GATAD2B: variants seen among roughly 807,000 people sequenced by gnomAD.
GATAD2B encodes transcriptional repressor p66-beta.
Under a neutral mutation model 64.3 loss-of-function variants are expected in GATAD2B, and 8 were observed. The ratio of observed to expected loss-of-function variants is 0.12; its 90% CI spans 0.07 to 0.22. The LOEUF (loss-of-function observed/expected upper bound fraction) is 0.22. Among genes scored for constraint, GATAD2B ranks in the 10% least tolerant of loss-of-function variants. The pLI is 1.00. For missense variants in GATAD2B, 453 were observed against 752.0 expected (o/e 0.60, Z 4.65); for synonymous variants, 281 against 271.3 (o/e 1.04, Z -0.35).
intron 1 of GATAD2B, among the ~76,000 whole-genome samples, chr1:153,864,998 A>T (rs1457603332): frequency 6.6e-6 from 1 of 152,180 alleles, no homozygotes; most frequent in Non-Finnish European, 1.5e-5. Context: ...TGAACCTGGG[A>T]GGCGGAGGTT....
chr1:153,856,350 T>C (rs1043437604), intron 1 of GATAD2B, among the ~76,000 whole-genome samples: 1 of 152,126 alleles, frequency 6.6e-6, no homozygotes, highest in African/African-American at 2.4e-5. Flanking sequence ...ATCTTAAGTA[T>C]TTAGAGGTGA....
intron 1 of GATAD2B, among the ~76,000 whole-genome samples, chr1:153,830,515 G>A (rs1421870640): frequency 4.0e-5 from 5 of 124,872 alleles, no homozygotes; most frequent in Admixed American, 9.2e-5. Context: ...TCGCTCTGTC[G>A]CCCAGGCTGG....
Position 153,874,345 on chromosome 1 carries a change from T to C in GATAD2B, c.-1-45997A>G, listed in dbSNP as rs552147308. ...AGTCTCAGGTTATAGCAACAGAAAA[T>C]GGACTAAGACAACACACTACTATGA... On this transcript the variant is annotated intron_variant, in intron 1 of 10. Transcript: ENST00000368655. 7.9e-5 allele frequency among the ~76,000 whole-genome samples: 12 copies of C among 152,134 alleles called. No homozygotes were observed. The South Asian group carries it at 2.3e-3, about 29-fold the overall frequency.
intron 1 of GATAD2B, among the ~76,000 whole-genome samples, chr1:153,900,082 A>C (rs1168559130): frequency 2.0e-5 from 3 of 152,162 alleles, no homozygotes; most frequent in Non-Finnish European, 4.4e-5. Flanking sequence ...TCACTAAAAC[A>C]ATGAGCTGCA....
intron 1 of GATAD2B, among the ~76,000 whole-genome samples, chr1:153,846,481 T>G (rs4323749): frequency 0.84 from 126,669 of 151,606 alleles, 53,349 homozygotes; most frequent in Admixed American, 0.89. Flanking sequence ...CAAGTGATCC[T>G]CCCATCTCAG....
chr1:153,834,002 T>TTA, intron 1 of GATAD2B, among the ~76,000 whole-genome samples: 1 of 149,876 alleles, frequency 6.7e-6, no homozygotes, highest in Non-Finnish European at 1.5e-5. Context: ...TTTTTTTTGG[T>TTA]TGTTTTTTGT....
At chr1:153,915,619 C>G (rs1033157267) in intron 1 of GATAD2B, among the ~76,000 whole-genome samples, 2 of 151,728 alleles carry the variant, frequency 1.3e-5, no homozygotes, top group Non-Finnish European at 1.5e-5. Context: ...CCTATAGACC[C>G]AGCTACTGAG....
intron 1 of GATAD2B, among the ~76,000 whole-genome samples, chr1:153,888,238 T>A (rs1677244204): frequency 6.6e-6 from 1 of 152,112 alleles, no homozygotes; most frequent in South Asian, 2.1e-4. Context: ...TACATTTTCC[T>A]AAGGCAACTG....
intron 1 of GATAD2B, among the ~76,000 whole-genome samples, chr1:153,860,319 G>A (rs1381172443): frequency 6.6e-6 from 1 of 152,112 alleles, no homozygotes. Flanking sequence ...TGAATGGTAT[G>A]TAGTTAAACT....
At chr1:153,815,101 A>AAAAAAAAAAC (rs1674414952) in intron 7 of GATAD2B, among the ~76,000 whole-genome samples, 1 of 144,124 alleles carries the variant, frequency 6.9e-6, no homozygotes, top group Non-Finnish European at 1.5e-5. Context: ...AAAAAAAAAA[A>AAAAAAAAAAC]AAAAAAAAAA....
At chr1:153,914,879 A>G in intron 1 of GATAD2B, 1 of 152,360 alleles carries the variant, frequency 6.6e-6, no homozygotes, top group Non-Finnish European at 1.5e-5. Flanking sequence ...CTAAACTATG[A>G]CTGTGCCATT....
intron 1 of GATAD2B, among the ~76,000 whole-genome samples, chr1:153,873,604 T>C (rs1676736440): frequency 6.6e-6 from 1 of 152,202 alleles, no homozygotes; most frequent in African/African-American, 2.4e-5. Context: ...TCAGCAGATA[T>C]GGCCCCTTGA....
intron 1 of GATAD2B, among the ~76,000 whole-genome samples, chr1:153,910,449 T>C (rs1380075315): frequency 6.6e-6 from 1 of 152,164 alleles, no homozygotes; most frequent in Non-Finnish European, 1.5e-5. Flanking sequence ...TATTACAAAA[T>C]AGGCTTTGGG....
chr1:153,920,056 G>C (rs1408240522), intron 1 of GATAD2B, among the ~76,000 whole-genome samples: 1 of 152,210 alleles, frequency 6.6e-6, no homozygotes, highest in African/African-American at 2.4e-5. Context: ...ACTCCCAATG[G>C]GGTGGCTAAC....
chr1:153,906,252 T>C (rs1677936272), intron 1 of GATAD2B, among the ~76,000 whole-genome samples: 1 of 151,352 alleles, frequency 6.6e-6, no homozygotes, highest in Admixed American at 6.6e-5. Flanking sequence ...ACCCCATCTC[T>C]ACTAAAAAAT....
intron 1 of GATAD2B, among the ~76,000 whole-genome samples, chr1:153,890,159 C>T (rs1213624599): frequency 3.3e-5 from 4 of 121,438 alleles, no homozygotes; most frequent in East Asian, 2.4e-4. Context: ...GCAACAAGAG[C>T]GAAACTCTGT....
At chr1:153,862,403 A>T (rs2101921897) in intron 1 of GATAD2B, among the ~76,000 whole-genome samples, 1 of 152,220 alleles carries the variant, frequency 6.6e-6, no homozygotes, top group Non-Finnish European at 1.5e-5. Context: ...GATTACAGGC[A>T]TGAGCCATCA....
At chr1:153,912,068 C>A (rs1678125373) in intron 1 of GATAD2B, among the ~76,000 whole-genome samples, 1 of 152,118 alleles carries the variant, frequency 6.6e-6, no homozygotes, top group South Asian at 2.1e-4. Context: ...AGATTCTAAC[C>A]TTAGTTATAC....
Position 153,852,474 on chromosome 1 carries a change from G to GC in GATAD2B, c.-1-24127dup, listed in dbSNP as rs917380779. On this transcript the variant is annotated intron_variant, in intron 1 of 10. Transcript: ENST00000368655. ...CTGCTAAGTCAGGTTGCAGGCAATA[G>GC]CAAGAGTACGTGACTCGATGTGCTC... 1.6e-5 allele frequency: 12 copies of GC among 758,322 alleles called. No individual in the cohort carries two copies. In the African/African-American group the frequency reaches 1.7e-4, roughly 11 times the overall value. 47.0% of individuals were successfully genotyped at this position (758,322 alleles called of 1,614,324 possible).
Sources: allele counts gnomAD v4.1 joint callset (sites outside exome capture counted in the v4.1 genomes callset), GRCh38; gene constraint gnomAD v4.1.1; transcripts MANE v1.5; gene names NCBI Gene and HGNC (gene_info 2026-07-23, HGNC 2026-07-21).